Variants in NAV2 observed in about 807,000 individuals in gnomAD.
NAV2 encodes the protein helicase, APC down-regulated 1.
In NAV2, 54 loss-of-function variants were observed where a neutral mutation model predicts 223.2. The ratio of observed to expected loss-of-function variants is 0.24; its 90% confidence interval spans 0.19 to 0.30. The LOEUF (loss-of-function observed/expected upper bound fraction) is 0.30, where lower values mean the gene tolerates loss of function less well. Ranked by LOEUF, NAV2 falls within the 10% of genes least tolerant of loss-of-function variation. NAV2 has a pLI of 1.00. For synonymous variants in NAV2, 1,279 were observed against 1,239.3 expected (o/e 1.03, Z -0.67); for missense variants, 2,806 against 3,147.5 (o/e 0.89, Z 2.60).
chr11:20,106,115 T>G (rs1592176847), intron 35 of NAV2, among the ~76,000 whole-genome samples: 1 of 143,142 alleles, frequency 7.0e-6, no homozygotes, highest in African/African-American at 2.6e-5. Context: ...AATTTTAATT[T>G]GAGCTTAGTT....
rs1393249737 is a variant in NAV2, at chr11:19,990,204, T to C, written c.2768+5957T>C. 3.9e-5 allele frequency among the ~76,000 whole-genome samples: 6 copies of C among 152,162 alleles called. No homozygotes were observed. The East Asian group carries it at 1.2e-3, about 29-fold the overall frequency. ...GCTGGGCCAGTTGCCTCCTTGGCCT[T>C]CTTGCAAGTTTAGAAAAGGGATGCC... is the stretch of plus-strand genomic sequence containing the variant. On this transcript the variant is annotated intron_variant, in intron 11 of 37. Transcript: ENST00000349880.
intron 2 of NAV2, among the ~76,000 whole-genome samples, chr11:19,833,293 C>T (rs2060051620): frequency 6.6e-6 from 1 of 152,182 alleles, no homozygotes; most frequent in African/African-American, 2.4e-5. Flanking sequence ...TACTGGTAGC[C>T]TTGGCCAAGG....
In NAV2 at chr11:20,032,247, C is replaced by T. The variant is rs549282034; in HGVS notation, c.2769-3712C>T. On this transcript the variant is annotated intron_variant, in intron 11 of 37. Coordinates refer to ENST00000349880, the MANE Select transcript of NAV2 (RefSeq NM_145117.5). ...GCCCTTCATCCTTGTCATAAGTGTC[C>T]CCCACTCCCACCCATGGATTAGATC... is the stretch of plus-strand genomic sequence containing the variant. 3.0e-4 allele frequency among the ~76,000 whole-genome samples: 46 copies of T among 152,256 alleles called. No homozygotes were observed. The South Asian group carries it at 9.4e-3, about 31-fold the overall frequency.
chr11:20,027,245 C>T, intron 11 of NAV2: 1 of 984,298 alleles, frequency 1.0e-6, no homozygotes, highest in Non-Finnish European at 1.2e-6. Context: ...GGGGTTACTA[C>T]TAAGCCTACA....
chr11:19,816,542 C>T (rs1306973354), intron 1 of NAV2, among the ~76,000 whole-genome samples: 1 of 152,210 alleles, frequency 6.6e-6, no homozygotes, highest in African/African-American at 2.4e-5. Context: ...AATTCTTCAT[C>T]TAAGTTGGTG....
chr11:19,683,304 G>A (rs1276606475), intron 1 of NAV2, among the ~76,000 whole-genome samples: 2 of 152,168 alleles, frequency 1.3e-5, no homozygotes, highest in Admixed American at 6.5e-5. Context: ...GGGTTGCGGG[G>A]TGTAACAGAA....
At chr11:20,077,347 A>G (rs10734290) in intron 22 of NAV2, among the ~76,000 whole-genome samples, 52,406 of 151,658 alleles carry the variant, frequency 0.35, 9,499 homozygotes, top group East Asian at 0.65. Flanking sequence ...GGGCCCTAAG[A>G]TGGGAAGGAG....
chr11:19,588,043 A>T (rs960061270), intron 1 of NAV2, among the ~76,000 whole-genome samples: 4 of 152,234 alleles, frequency 2.6e-5, no homozygotes, highest in Non-Finnish European at 5.9e-5. Context: ...CTAGCATGTA[A>T]TAGGTGCTCA....
chr11:19,717,460 G>A (rs1178818557), intron 1 of NAV2, among the ~76,000 whole-genome samples: 1 of 152,238 alleles, frequency 6.6e-6, no homozygotes, highest in African/African-American at 2.4e-5. Flanking sequence ...GAATTTTGGA[G>A]ATGGGAAGGA....
At chr11:20,113,678 G>A (rs1389422237) in intron 36 of NAV2, among the ~76,000 whole-genome samples, 1 of 152,194 alleles carries the variant, frequency 6.6e-6, no homozygotes, top group South Asian at 2.1e-4. Context: ...TATAGGGGCT[G>A]TAAGAGTCAG....
chr11:19,943,540 G>C (rs1050509597), intron 8 of NAV2, among the ~76,000 whole-genome samples: 2 of 152,098 alleles, frequency 1.3e-5, no homozygotes, highest in Non-Finnish European at 2.9e-5. Context: ...GCACCACCAT[G>C]CCAAGAACGA....
chr11:19,488,811 C>A (rs1168021569), intron 1 of NAV2, among the ~76,000 whole-genome samples: 2 of 152,138 alleles, frequency 1.3e-5, no homozygotes, highest in African/African-American at 4.8e-5. Context: ...CCAGGTGTGG[C>A]CATTTATTGA....
At chr11:19,475,412 T>C (rs1462624094) in intron 1 of NAV2, among the ~76,000 whole-genome samples, 1 of 152,208 alleles carries the variant, frequency 6.6e-6, no homozygotes, top group Non-Finnish European at 1.5e-5. Flanking sequence ...TAAATTAACA[T>C]GGCCCATAAA....
intron 4 of NAV2, 119 bp downstream of exon 4, chr11:19,869,116 T>C: frequency 1.0e-6 from 1 of 978,472 alleles, no homozygotes; most frequent in Non-Finnish European, 1.5e-6. Flanking sequence ...TCTGGTTTTG[T>C]TTTCCTTTAT....
At chr11:19,382,475 C>T (rs1235151046) in intron 1 of NAV2, among the ~76,000 whole-genome samples, 2 of 152,176 alleles carry the variant, frequency 1.3e-5, no homozygotes, top group Admixed American at 6.5e-5. Flanking sequence ...CAGCAGCTCG[C>T]TCCAGCCAGA....
At chr11:19,636,460 C>G (rs190169031) in intron 1 of NAV2, among the ~76,000 whole-genome samples, 3 of 151,062 alleles carry the variant, frequency 2.0e-5, no homozygotes, top group Admixed American at 6.6e-5. Context: ...ATGCAATTCT[C>G]TTGGAATTAA....
intron 29 of NAV2, among the ~76,000 whole-genome samples, chr11:20,094,223 CTTTTTTTTTTTTT>C (rs61099684): frequency 1.0e-4 from 9 of 88,520 alleles, no homozygotes; most frequent in African/African-American, 3.3e-4. Context: ...TTTTCTTTAT[CTTTTTTTTTTTTT>C]TTTTTTTTTT....
At chr11:19,886,676 C>T (rs2041009436) in intron 5 of NAV2, among the ~76,000 whole-genome samples, 3 of 152,152 alleles carry the variant, frequency 2.0e-5, no homozygotes, top group Admixed American at 2.0e-4. Context: ...CAGGACCTAG[C>T]TGGGGAAATA....
intron 1 of NAV2, among the ~76,000 whole-genome samples, chr11:19,497,644 G>C (rs1413186942): frequency 6.6e-6 from 1 of 152,144 alleles, no homozygotes; most frequent in Non-Finnish European, 1.5e-5. Flanking sequence ...TGAGCTTTCA[G>C]GAATCATTAA....
Sources: allele counts gnomAD v4.1 joint callset (sites outside exome capture counted in the v4.1 genomes callset), GRCh38; gene constraint gnomAD v4.1.1; transcripts MANE v1.5; gene names NCBI Gene and HGNC (gene_info 2026-07-23, HGNC 2026-07-21).